ACBD5: variants seen among roughly 807,000 people sequenced by gnomAD.
ACBD5 encodes acyl-CoA-binding domain-containing protein 5.
ACBD5 carries 40 observed loss-of-function variants against 71.8 expected under a neutral mutation model. The observed-to-expected ratio is 0.56, with a 90% CI of 0.43 to 0.72. The LOEUF (loss-of-function observed/expected upper bound fraction) is 0.72, where lower values mean the gene tolerates loss of function less well. Among genes scored for constraint, ACBD5 ranks in the 30% least tolerant of loss-of-function variants. The pLI, the probability that ACBD5 is intolerant of heterozygous loss-of-function variation, is 0.00. For missense variants in ACBD5, 559 were observed against 644.5 expected (o/e 0.87, Z 1.44); for synonymous variants, 229 against 218.6 (o/e 1.05, Z -0.42).
chr10:27,221,594 A>G (rs540958323), intron 5 of ACBD5, among the ~76,000 whole-genome samples: 11 of 152,210 alleles, frequency 7.2e-5, no homozygotes, highest in Admixed American at 2.0e-4. Context: ...GCATCCCAAC[A>G]TGCCTGACAT....
chr10:27,219,257 C>T (rs1479787143), intron 6 of ACBD5, among the ~76,000 whole-genome samples: 2 of 151,252 alleles, frequency 1.3e-5, no homozygotes, highest in African/African-American at 4.9e-5. Flanking sequence ...CAGTGAGCAG[C>T]GATCATACCA....
chr10:27,227,334 T>A (rs2063209491), intron 4 of ACBD5, among the ~76,000 whole-genome samples: 1 of 152,110 alleles, frequency 6.6e-6, no homozygotes. Flanking sequence ...TGGAAAGGTG[T>A]AGATATACTC....
At chr10:27,187,227 G>C (rs1278289406) in intron 13 of ACBD5, among the ~76,000 whole-genome samples, 1 of 152,164 alleles carries the variant, frequency 6.6e-6, no homozygotes, top group African/African-American at 2.4e-5. Context: ...TGGAACCCAG[G>C]AGGAGGAGGT....
intron 12 of ACBD5, among the ~76,000 whole-genome samples, chr10:27,200,566 T>G: frequency 1.3e-5 from 2 of 151,626 alleles, no homozygotes; most frequent in South Asian, 4.2e-4. Flanking sequence ...TGCCTCAACC[T>G]CCCGAGTAGC....
At chr10:27,218,370 CTA>C in intron 6 of ACBD5, among the ~76,000 whole-genome samples, 187 bp from the exon 7 acceptor site, 1 of 152,158 alleles carries the variant, frequency 6.6e-6, no homozygotes, top group East Asian at 1.9e-4. Context: ...CTCACCCAAA[CTA>C]TGTTGGCTTC....
At chr10:27,236,038 G>A (rs1306732266) in intron 2 of ACBD5, among the ~76,000 whole-genome samples, 1 of 151,692 alleles carries the variant, frequency 6.6e-6, no homozygotes, top group Non-Finnish European at 1.5e-5. Flanking sequence ...TCCTGAGCCT[G>A]GGGAGGTCAA....
downstream of ACBD5, among the ~76,000 whole-genome samples, chr10:27,190,260 G>A (rs2136344420): frequency 6.6e-6 from 1 of 152,236 alleles, no homozygotes; most frequent in East Asian, 1.9e-4. Flanking sequence ...ACTCCAGCCT[G>A]GGTGACAGAA....
intron 10 of ACBD5, 33 bp from the exon 11 acceptor site, chr10:27,205,281 A>G (rs1443782935): frequency 6.3e-7 from 1 of 1,595,736 alleles, no homozygotes; most frequent in East Asian, 2.2e-5. Flanking sequence ...CTTAGCCTTG[A>G]AAAAATGAAA....
chr10:27,225,378 AG>A (rs2062888051), intron 4 of ACBD5, among the ~76,000 whole-genome samples: 1 of 152,230 alleles, frequency 6.6e-6, no homozygotes. Flanking sequence ...CAACTCTGAT[AG>A]GATTACATGC....
intron 2 of ACBD5, among the ~76,000 whole-genome samples, chr10:27,237,545 A>T (rs2064879200): frequency 6.6e-6 from 1 of 152,204 alleles, no homozygotes; most frequent in Non-Finnish European, 1.5e-5. Context: ...CTTCTGCTTC[A>T]ATTAATATCA....
intron 4 of ACBD5, among the ~76,000 whole-genome samples, chr10:27,230,626 G>A (rs2063723993): frequency 1.3e-5 from 2 of 151,844 alleles, no homozygotes; most frequent in South Asian, 2.1e-4. Context: ...GTGAAATCCC[G>A]TCTGCACTAA....
At chr10:27,225,475 CTG>C (rs2062901664) in intron 4 of ACBD5, among the ~76,000 whole-genome samples, 1 of 152,132 alleles carries the variant, frequency 6.6e-6, no homozygotes, top group Non-Finnish European at 1.5e-5. Context: ...TTAACAATAA[CTG>C]GTTCTAGTGA....
chr10:27,189,391 A>G (rs557711903), intron 13 of ACBD5, among the ~76,000 whole-genome samples: 1 of 152,348 alleles, frequency 6.6e-6, no homozygotes, highest in East Asian at 1.9e-4. Flanking sequence ...CTTTATTTCC[A>G]GCACTTTGGA....
chr10:27,208,128 C>A, intron 10 of ACBD5, 118 bp downstream of exon 10: 1 of 1,090,008 alleles, frequency 9.2e-7, no homozygotes, highest in East Asian at 2.4e-5. Context: ...AAACCAAGTT[C>A]TATTTTCTAA....
intron 12 of ACBD5, among the ~76,000 whole-genome samples, chr10:27,199,817 C>T (rs2059725388): frequency 6.6e-6 from 1 of 152,094 alleles, no homozygotes; most frequent in Admixed American, 6.6e-5. Context: ...ACTATCCTGG[C>T]CGTCTCTACT....
chr10:27,192,726 C>T (rs150115166), downstream of ACBD5, among the ~76,000 whole-genome samples: 163 of 152,272 alleles, frequency 1.1e-3, 1 homozygote, highest in African/African-American at 3.8e-3. Context: ...AATCCCAGCA[C>T]TTTGGGAGGC....
At chr10:27,188,205 CT>C (rs1169869579) in intron 13 of ACBD5, among the ~76,000 whole-genome samples, 2 of 107,388 alleles carry the variant, frequency 1.9e-5, no homozygotes, top group Non-Finnish European at 5.1e-5. Flanking sequence ...TTAGTAATAA[CT>C]ACTTAGATTT....
chr10:27,228,289 AT>A (rs2063345078), intron 4 of ACBD5, among the ~76,000 whole-genome samples: 1 of 132,172 alleles, frequency 7.6e-6, no homozygotes, highest in Non-Finnish European at 1.7e-5. Context: ...AAAAAATAGA[AT>A]TTTGGCCGGG....
At chr10:27,214,348 C>A (rs1173180217) in intron 8 of ACBD5, among the ~76,000 whole-genome samples, 1 of 151,698 alleles carries the variant, frequency 6.6e-6, no homozygotes, top group Non-Finnish European at 1.5e-5. Context: ...TCTCATATAC[C>A]CCATAAATAT....
Sources: gnomAD v4.1 joint callset for allele counts (sites outside exome capture counted in the v4.1 genomes callset) on GRCh38, gnomAD v4.1.1 for gene constraint, MANE v1.5 for transcripts, NCBI Gene and HGNC (gene_info 2026-07-23, HGNC 2026-07-21) for gene names.